The following RIN3 variants were observed in gnomAD, a reference collection of about 807,000 sequenced individuals.
RIN3 encodes Ras and Rab interactor 3.
A neutral mutation model predicts 76.3 loss-of-function variants in RIN3; 54 were observed. The observed-to-expected ratio is 0.71, with a 90% CI of 0.57 to 0.89. RIN3 has a LOEUF of 0.89. RIN3 is among the 40% of genes least tolerant of loss of function. The pLI is 0.00. For synonymous variants in RIN3, 576 were observed against 564.0 expected (o/e 1.02, Z -0.30); for missense variants, 1,256 against 1,322.1 (o/e 0.95, Z 0.78).
chr14:92,571,350 T>A (rs1441296507), intron 2 of RIN3, among the ~76,000 whole-genome samples: 1 of 152,034 alleles, frequency 6.6e-6, no homozygotes, highest in Non-Finnish European at 1.5e-5. Context: ...TCTGAGGGGG[T>A]CTTATCTCTG....
chr14:92,545,939 T>A (rs200758802), intron 1 of RIN3, among the ~76,000 whole-genome samples: 1 of 106,004 alleles, frequency 9.4e-6, no homozygotes, highest in East Asian at 3.0e-4. Flanking sequence ...TCTTTGTTTT[T>A]TTTTGAGACG....
At position 92,553,412 on chromosome 14, in the gene RIN3, G is replaced by A. The variant is rs538023853; in HGVS notation, c.45-2339G>A. Reference sequence around the variant, plus strand: ...CATCATTTTAACTTTTCCCAGACGAGATGCTGGGACCACACTCAGGGCCTG... The same window carrying A: ...CATCATTTTAACTTTTCCCAGACGAAATGCTGGGACCACACTCAGGGCCTG... On this transcript the variant is annotated intron_variant, in intron 1 of 9. Coordinates refer to ENST00000216487, the MANE Select transcript of RIN3 (RefSeq NM_024832.5). Among the ~76,000 whole-genome samples, 6 of 152,230 alleles carry A rather than the reference G, an allele frequency of 3.9e-5. No individual in the cohort carries two copies. In the South Asian group the frequency reaches 1.2e-3, roughly 32 times the overall value.
At chr14:92,561,974 C>G (rs1243372429) in intron 2 of RIN3, among the ~76,000 whole-genome samples, 1 of 152,216 alleles carries the variant, frequency 6.6e-6, no homozygotes, top group African/African-American at 2.4e-5. Flanking sequence ...GCGTGAGCCA[C>G]CATGCCTGGT....
intron 1 of RIN3, among the ~76,000 whole-genome samples, chr14:92,532,965 C>G (rs1047342335): frequency 1.2e-4 from 18 of 152,140 alleles, no homozygotes; most frequent in Non-Finnish European, 7.4e-5. Context: ...ACCAGCCTCC[C>G]GTGGAAGCTC....
chr14:92,652,105 C>T lies in RIN3; in HGVS notation c.1056C>T (p.Gly352=), dbSNP rs749619362. The T allele has an allele frequency of 2.5e-6, 4 of 1,606,812 alleles. No homozygotes were observed. Among genetic ancestry groups the T allele is most frequent in the Non-Finnish European group, 3.4e-6 (4 of 1,179,856 alleles). Residue 352 remains glycine, a synonymous_variant, in exon 6 of 10, where the codon GGC becomes GGT. Coordinates refer to ENST00000216487, the MANE Select transcript of RIN3 (RefSeq NM_024832.5). This position sits in a 1 kb window ranked among gnomAD's most constrained non-coding sequence, Gnocchi z 6.4. ...ERLPCPTAGL[G]PLREEAMKPG... is the part of the protein sequence containing the mutation. ...TCCCATGCCCCACTGCAGGCCTGGG[C>T]CCCCTCAGGGAGGAAGCGATGAAGC...
At chr14:92,606,108 C>A (rs1885516847) in intron 3 of RIN3, among the ~76,000 whole-genome samples, 1 of 147,554 alleles carries the variant, frequency 6.8e-6, no homozygotes, top group Non-Finnish European at 1.5e-5. Context: ...GAGTTCAGCA[C>A]CAGCCTGGGA....
chr14:92,618,008 A>G (rs1207022471), intron 4 of RIN3, among the ~76,000 whole-genome samples: 1 of 152,234 alleles, frequency 6.6e-6, no homozygotes, highest in Admixed American at 6.5e-5. Flanking sequence ...TGGCAATGAT[A>G]TCTTTAACCT....
rs201208623 is a variant in RIN3 at position 92,555,836 on chromosome 14, C to T, written c.130C>T (p.Leu44Phe). 5.2e-5 allele frequency: 84 copies of T among 1,614,048 alleles called. No individual in the cohort carries two copies. The Middle Eastern group carries it at 6.6e-4, about 13-fold the overall frequency. Reference protein sequence around the residue: ...LCLPANPKNCLPHRRGISILE... With the variant: ...LCLPANPKNCFPHRRGISILE... The stretch of plus-strand genomic sequence containing the variant: ...TCTGCCAGCCAACCCGAAAAACTGC[C>T]TTCCTCACCGCCGGGGCATCAGCAT... The change falls in exon 2 of 10, where the codon CTT becomes TTT. Residue 44 changes from leucine (L) to phenylalanine (F), a missense_variant. Coordinates refer to ENST00000216487, the MANE Select transcript of RIN3 (RefSeq NM_024832.5).
chr14:92,632,953 G>A (rs911492046), intron 4 of RIN3, among the ~76,000 whole-genome samples: 6 of 152,192 alleles, frequency 3.9e-5, no homozygotes, highest in East Asian at 3.9e-4. Flanking sequence ...ACTTCCTTCC[G>A]CAGGTGCTGT....
chr14:92,669,576 A>T (rs1167341792), intron 7 of RIN3, among the ~76,000 whole-genome samples: 2 of 152,016 alleles, frequency 1.3e-5, no homozygotes, highest in Non-Finnish European at 2.9e-5. Flanking sequence ...CTGCTGCCCC[A>T]GTGTTGCAGC....
In RIN3 at chr14:92,631,074, A is replaced by G. The variant is rs114026718; in HGVS notation, c.441-10164A>G. On this transcript the variant is annotated intron_variant, in intron 4 of 9. Coordinates refer to ENST00000216487, the MANE Select transcript of RIN3 (RefSeq NM_024832.5). Reference sequence around the variant, plus strand: ...TTGTGTCACCTCCAGGACATGGCACAGAGGGGTGTTACAGTGGATGCTTGT... The same window carrying G: ...TTGTGTCACCTCCAGGACATGGCACGGAGGGGTGTTACAGTGGATGCTTGT... 4.5e-3 allele frequency among the ~76,000 whole-genome samples: 682 copies of G among 152,340 alleles called. 4 individuals carry two copies. The highest frequency in any genetic ancestry group is 0.015 in the African/African-American group (640 of 41,584).
At position 92,568,559 on chromosome 14, in the gene RIN3, TCCAGTTGG is replaced by T. The variant is rs1241141924; in HGVS notation, c.250-8797_250-8790del. ...AGAGGAACAGAACAGACCCTCTGAT[TCCAGTTGG>T]CCAAGGCAGACCACAGACCTGGGCT... On this transcript the variant is annotated intron_variant, in intron 2 of 9. Coordinates refer to ENST00000216487, the MANE Select transcript of RIN3 (RefSeq NM_024832.5). The surrounding 1 kb of genome is among the most constrained non-coding windows in gnomAD (Gnocchi z 4.2). Among the ~76,000 whole-genome samples, 1 of 152,166 alleles carries T rather than the reference TCCAGTTGG, an allele frequency of 6.6e-6. No individual in the cohort carries two copies. The highest frequency in any genetic ancestry group is 1.5e-5 in the Non-Finnish European group (1 of 68,020).
chr14:92,626,768 AGGT>A lies in RIN3; in HGVS notation c.440+11293_440+11295del, dbSNP rs571621256. On this transcript the variant is annotated intron_variant, in intron 4 of 9. Coordinates refer to ENST00000216487, the MANE Select transcript of RIN3 (RefSeq NM_024832.5). ...AAGTTGGGGGGAATTAAATGGGGAA[AGGT>A]GGTTTAGAGGGTTCCAGGAGTTGGG... Among the ~76,000 whole-genome samples, 116 of 152,050 alleles carry A rather than the reference AGGT, an allele frequency of 7.6e-4. 1 individual carries two copies. Among genetic ancestry groups the A allele is most frequent in the African/African-American group, 2.6e-3 (109 of 41,464 alleles).
At chr14:92,540,765 C>A (rs1897114510) in intron 1 of RIN3, among the ~76,000 whole-genome samples, 1 of 152,204 alleles carries the variant, frequency 6.6e-6, no homozygotes. Context: ...TGGGGCAGGG[C>A]CAGCCTGGCT....
At chr14:92,660,681 C>G (rs1887849340) in intron 7 of RIN3, among the ~76,000 whole-genome samples, 1 of 152,208 alleles carries the variant, frequency 6.6e-6, no homozygotes, top group African/African-American at 2.4e-5. Context: ...GCACAAGAGA[C>G]CATCCCAGAC....
intron 3 of RIN3, among the ~76,000 whole-genome samples, chr14:92,592,866 G>T (rs965297822): frequency 9.9e-5 from 15 of 151,802 alleles, no homozygotes; most frequent in African/African-American, 3.4e-4. Context: ...TAGAGATGGG[G>T]TTTCGCCATG....
intron 4 of RIN3, among the ~76,000 whole-genome samples, chr14:92,625,745 C>T (rs908553076): frequency 6.6e-6 from 1 of 152,130 alleles, no homozygotes. Flanking sequence ...GGGTTTGGAC[C>T]CTTTATAATT....
intron 1 of RIN3, among the ~76,000 whole-genome samples, chr14:92,544,414 T>TGGGGGGGGGGGGGGGGGGGGGGGGGGGGG (rs71123353): frequency 4.0e-5 from 3 of 74,546 alleles, no homozygotes; most frequent in Admixed American, 3.8e-4. Context: ...GTGACAGCTG[T>TGGGGGGGGGGGGGGGGGGGGGGGGGGGGG]GGGGGGGGGG....
intron 1 of RIN3, among the ~76,000 whole-genome samples, chr14:92,526,675 C>T (rs1227593705): frequency 6.6e-6 from 1 of 152,118 alleles, no homozygotes; most frequent in Non-Finnish European, 1.5e-5. Flanking sequence ...ATCGCTTGAA[C>T]CTGGGAGGCA....
Sources: allele counts gnomAD v4.1 joint callset (sites outside exome capture counted in the v4.1 genomes callset), GRCh38; gene constraint gnomAD v4.1.1; non-coding constraint Gnocchi (gnomAD v3.1); transcripts MANE v1.5; gene names NCBI Gene and HGNC (gene_info 2026-07-23, HGNC 2026-07-21).